CACNB2: variants seen among roughly 807,000 people sequenced by gnomAD.
The protein encoded by CACNB2 is voltage-dependent L-type calcium channel subunit beta-2.
A neutral mutation model predicts 73.3 loss-of-function variants in CACNB2; 42 were observed. The ratio of observed to expected loss-of-function variants is 0.57; its 90% confidence interval spans 0.45 to 0.74. CACNB2 has a LOEUF of 0.74. Among genes scored for constraint, CACNB2 ranks in the 30% least tolerant of loss-of-function variants. The pLI, the probability that CACNB2 is intolerant of heterozygous loss-of-function variation, is 0.00. For missense variants in CACNB2, 940 were observed against 853.0 expected (o/e 1.10, Z -1.27); for synonymous variants, 348 against 310.3 (o/e 1.12, Z -1.28).
At chr10:18,226,861 G>GT (rs1719546771) in intron 2 of CACNB2, among the ~76,000 whole-genome samples, 2 of 152,126 alleles carry the variant, frequency 1.3e-5, no homozygotes, top group African/African-American at 4.8e-5. Flanking sequence ...TTGCCACACT[G>GT]TACAGGTCTG....
chr10:18,150,853 G>GTTTTT (rs756678637), intron 1 of CACNB2, 30 bp from the exon 2 acceptor site: 23 of 655,454 alleles, frequency 3.5e-5, no homozygotes, highest in South Asian at 1.9e-4. Context: ...AATCTTATTT[G>GTTTTT]TCTTTTTTTT....
At chr10:18,385,109 A>G (rs1036605382) in intron 2 of CACNB2, among the ~76,000 whole-genome samples, 1 of 151,966 alleles carries the variant, frequency 6.6e-6, no homozygotes, top group African/African-American at 2.4e-5. Flanking sequence ...GTGAAACCCC[A>G]TCTCTACTAA....
chr10:18,361,312 A>T (rs1482981419), intron 2 of CACNB2, among the ~76,000 whole-genome samples: 1 of 150,472 alleles, frequency 6.6e-6, no homozygotes, highest in Non-Finnish European at 1.5e-5. Context: ...CAACTTAATG[A>T]AGCCCTGTCT....
intron 2 of CACNB2, among the ~76,000 whole-genome samples, chr10:18,355,348 GA>G (rs1051164328): frequency 1.3e-5 from 2 of 152,082 alleles, no homozygotes; most frequent in African/African-American, 4.8e-5. Flanking sequence ...AACCTAGGTA[GA>G]AAAAAGTTGT....
At chr10:18,176,750 A>C (rs1432396086) in intron 2 of CACNB2, among the ~76,000 whole-genome samples, 2 of 151,628 alleles carry the variant, frequency 1.3e-5, no homozygotes, top group Non-Finnish European at 2.9e-5. Context: ...ACCACCATAG[A>C]GGTGCTAGCC....
chr10:18,456,235 C>T (rs1005254571), intron 3 of CACNB2, among the ~76,000 whole-genome samples: 3 of 152,122 alleles, frequency 2.0e-5, no homozygotes, highest in African/African-American at 7.2e-5. Flanking sequence ...CTTTGGGAGG[C>T]TGAGGCGGGC....
chr10:18,184,906 G>A (rs117197627), intron 2 of CACNB2, among the ~76,000 whole-genome samples: 3 of 151,978 alleles, frequency 2.0e-5, no homozygotes, highest in Non-Finnish European at 1.5e-5. Context: ...GTGGCCTGAT[G>A]ATGGCTCATT....
At chr10:18,466,171 A>G (rs1021041026) in intron 3 of CACNB2, among the ~76,000 whole-genome samples, 6 of 152,202 alleles carry the variant, frequency 3.9e-5, no homozygotes, top group African/African-American at 7.2e-5. Context: ...AAACCTTTCA[A>G]CCATTGAAGT....
intron 2 of CACNB2, among the ~76,000 whole-genome samples, chr10:18,169,016 C>G (rs564381307): frequency 4.6e-5 from 7 of 152,212 alleles, no homozygotes; most frequent in African/African-American, 1.4e-4. Context: ...TAATCCTCAT[C>G]TTATTAAGTA....
chr10:18,430,629 C>T (rs1233451557), intron 3 of CACNB2, among the ~76,000 whole-genome samples: 1 of 152,076 alleles, frequency 6.6e-6, no homozygotes, highest in Non-Finnish European at 1.5e-5. Context: ...GACCTTGTCT[C>T]AATCGATCAG....
intron 2 of CACNB2, among the ~76,000 whole-genome samples, chr10:18,330,389 G>T (rs982775361): frequency 3.9e-5 from 6 of 152,106 alleles, no homozygotes; most frequent in African/African-American, 1.2e-4. Context: ...AGCAGTTCAT[G>T]ACTGTAATTC....
At chr10:18,414,079 G>C (rs919328841) in intron 3 of CACNB2, among the ~76,000 whole-genome samples, 1 of 152,204 alleles carries the variant, frequency 6.6e-6, no homozygotes, top group Non-Finnish European at 1.5e-5. Flanking sequence ...AGATGTCCAG[G>C]GACTGCAGAG....
rs869311555 is a variant in CACNB2 at position 18,307,983 on chromosome 10, C to CTTTTTTTTTTTTTTTTTTTTTTTTTTT, written c.214-93940_214-93914dup. On this transcript the variant is annotated intron_variant, in intron 2 of 13. Transcript: ENST00000324631. ...TTAAGTCTAAAATAATATATGCCAA[C>CTTTTTTTTTTTTTTTTTTTTTTTTTTT]TTTTTTTTTTTTTTTTTTTTTTTTT... is the stretch of plus-strand genomic sequence containing the variant. Among the ~76,000 whole-genome samples the CTTTTTTTTTTTTTTTTTTTTTTTTTTT allele has an allele frequency of 7.5e-4, 53 of 70,240 alleles. 14 individuals are homozygous for CTTTTTTTTTTTTTTTTTTTTTTTTTTT. Among genetic ancestry groups the CTTTTTTTTTTTTTTTTTTTTTTTTTTT allele is most frequent in the South Asian group, 9.3e-4 (2 of 2,140 alleles). 46.1% of individuals were successfully genotyped at this position (70,240 alleles called of 152,430 possible). A position where few individuals can be genotyped will look rare whatever the true frequency, so the allele number is the denominator to read the frequency against.
chr10:18,228,523 C>T (rs1170962031), intron 2 of CACNB2, among the ~76,000 whole-genome samples: 2 of 150,116 alleles, frequency 1.3e-5, no homozygotes, highest in Non-Finnish European at 3.0e-5. Context: ...ATTAGTCTTA[C>T]CAGACATGAA....
At chr10:18,327,556 G>GTGGGATTA (rs1439127950) in intron 2 of CACNB2, among the ~76,000 whole-genome samples, 1 of 152,016 alleles carries the variant, frequency 6.6e-6, no homozygotes, top group East Asian at 1.9e-4. Flanking sequence ...TCCTGAGTAG[G>GTGGGATTA]TGGGATTACA....
In CACNB2 at chr10:18,401,205, A is replaced by C. The variant is rs544269614; in HGVS notation, c.214-719A>C. 1.5e-5 allele frequency: 20 copies of C among 1,342,848 alleles called. No individual in the cohort carries two copies. In the South Asian group the frequency reaches 2.4e-4, roughly 16 times the overall value. 83.2% of individuals were successfully genotyped at this position (1,342,848 alleles called of 1,614,324 possible). A position where few individuals can be genotyped will look rare whatever the true frequency, so the allele number is the denominator to read the frequency against. On this transcript the variant is annotated intron_variant, in intron 2 of 13. Transcript: ENST00000324631. The stretch of plus-strand genomic sequence containing the variant: ...AGGGTGGTTTGATTTGGTTAATCGG[A>C]TCATGATTGCAGGAGAGGGAAGCTA...
intron 3 of CACNB2, among the ~76,000 whole-genome samples, chr10:18,482,670 C>A (rs561380072): frequency 8.5e-4 from 130 of 152,154 alleles, no homozygotes; most frequent in African/African-American, 3.1e-3. Flanking sequence ...GCCACCATGC[C>A]CAGCTAATTT....
intron 2 of CACNB2, among the ~76,000 whole-genome samples, chr10:18,329,230 G>A (rs1774525641): frequency 6.6e-6 from 1 of 152,172 alleles, no homozygotes. Context: ...GGAATAGATA[G>A]CATTGATGTG....
chr10:18,498,521 T>G (rs2049978165), intron 4 of CACNB2, 44 bp downstream of exon 4: 5 of 1,599,082 alleles, frequency 3.1e-6, no homozygotes, highest in Non-Finnish European at 2.6e-6. Context: ...ATGTTTCACC[T>G]TGACATACCA....
Sources: allele counts gnomAD v4.1 joint callset (sites outside exome capture counted in the v4.1 genomes callset), GRCh38; gene constraint gnomAD v4.1.1; transcripts MANE v1.5; gene names NCBI Gene and HGNC (gene_info 2026-07-23, HGNC 2026-07-21).